Variants in TBXAS1 observed in about 807,000 individuals in gnomAD.
TBXAS1 encodes the protein thromboxane-A synthase.
In TBXAS1, 48 loss-of-function variants were observed where a neutral mutation model predicts 60.7. That is an observed-to-expected ratio of 0.79 (90% CI 0.63 to 1.01). The LOEUF is 1.01. TBXAS1 is among the 50% of genes least tolerant of loss of function. The pLI is 0.00. For missense variants in TBXAS1, 685 were observed against 686.3 expected, an observed-to-expected ratio of 1.00 and a Z score of 0.02; for synonymous variants, 287 against 269.7, an observed-to-expected ratio of 1.06 and a Z score of -0.63.
intron 1 of TBXAS1, among the ~76,000 whole-genome samples, chr7:139,829,769 G>C (rs190516658): frequency 6.6e-4 from 100 of 152,292 alleles, no homozygotes; most frequent in Admixed American, 5.8e-3. Flanking sequence ...CATTAGGTTT[G>C]GGTAGAAGCA....
chr7:139,907,726 C>A (rs1805214130), intron 3 of TBXAS1, among the ~76,000 whole-genome samples: 1 of 151,812 alleles, frequency 6.6e-6, no homozygotes, highest in Admixed American at 6.6e-5. Flanking sequence ...TAAGAGACTC[C>A]AAGGTATCCT....
chr7:139,956,531 G>A (rs1385224990), intron 7 of TBXAS1, among the ~76,000 whole-genome samples: 2 of 152,218 alleles, frequency 1.3e-5, no homozygotes, highest in Admixed American at 6.5e-5. Context: ...TTGACGTGTT[G>A]TTATGCTTGG....
chr7:139,957,846 C>T lies in TBXAS1; in HGVS notation c.819+82C>T, dbSNP rs191592060. On this transcript the variant is annotated intron_variant, in intron 8 of 12. Coordinates refer to ENST00000448866, the MANE Select transcript of TBXAS1 (RefSeq NM_001061.7). Reference sequence around the variant, plus strand: ...ACTGTCTCTGCTCTTTCTCTTCCCTCTCAGCCCCGCACATCACACCGTGCC... The same window carrying T: ...ACTGTCTCTGCTCTTTCTCTTCCCTTTCAGCCCCGCACATCACACCGTGCC... 46 of 1,586,110 alleles carry T rather than the reference C, an allele frequency of 2.9e-5. No homozygotes were observed. In the East Asian group the frequency reaches 1.0e-3, roughly 35 times the overall value.
chr7:139,850,248 C>T (rs564760562), intron 1 of TBXAS1, among the ~76,000 whole-genome samples: 1 of 152,290 alleles, frequency 6.6e-6, no homozygotes, highest in East Asian at 1.9e-4. Context: ...TCTTGCAATC[C>T]AGAATCAGCC....
At chr7:139,939,970 G>A (rs897361101) in intron 5 of TBXAS1, among the ~76,000 whole-genome samples, 1 of 152,232 alleles carries the variant, frequency 6.6e-6, no homozygotes, top group Non-Finnish European at 1.5e-5. Flanking sequence ...TCCATAGATC[G>A]TGTTCCCTGT....
chr7:139,935,605 A>G (rs779946697), intron 4 of TBXAS1, among the ~76,000 whole-genome samples: 33 of 152,188 alleles, frequency 2.2e-4, no homozygotes, highest in Admixed American at 1.3e-3. Context: ...TGACTGAGAA[A>G]AAAATGAATG....
chr7:139,867,749 G>A, intron 1 of TBXAS1, among the ~76,000 whole-genome samples: 1 of 152,070 alleles, frequency 6.6e-6, no homozygotes, highest in Non-Finnish European at 1.5e-5. Context: ...CCCAGGAAGA[G>A]GAGGTTGCAG....
At chr7:139,886,067 T>A (rs992398502) in intron 3 of TBXAS1, among the ~76,000 whole-genome samples, 9 of 152,244 alleles carry the variant, frequency 5.9e-5, no homozygotes, top group Non-Finnish European at 1.5e-5. Flanking sequence ...ATGTGTAACA[T>A]TTCTATAGCT....
intron 1 of TBXAS1, among the ~76,000 whole-genome samples, chr7:139,863,576 C>T (rs1801129704): frequency 6.6e-6 from 1 of 152,158 alleles, no homozygotes; most frequent in South Asian, 2.1e-4. Context: ...TGGAATGCAA[C>T]TATCAGACAA....
chr7:139,983,614 A>C (rs2117526999), intron 9 of TBXAS1, among the ~76,000 whole-genome samples: 1 of 152,282 alleles, frequency 6.6e-6, no homozygotes, highest in Non-Finnish European at 1.5e-5. Context: ...TGTATTTTAT[A>C]TATTTTCTCA....
chr7:139,974,366 T>G (rs1811418909), intron 9 of TBXAS1, among the ~76,000 whole-genome samples: 1 of 152,216 alleles, frequency 6.6e-6, no homozygotes, highest in South Asian at 2.1e-4. Flanking sequence ...GCAAAGAAGC[T>G]TGTGCTGAGG....
chr7:139,995,354 A>T (rs1203655297), intron 9 of TBXAS1, among the ~76,000 whole-genome samples: 1 of 152,144 alleles, frequency 6.6e-6, no homozygotes, highest in Non-Finnish European at 1.5e-5. Flanking sequence ...CAAGATGCAC[A>T]CGAAGATGAG....
Position 139,855,812 on chromosome 7 carries a change from G to T in TBXAS1, c.90-16423G>T, listed in dbSNP as rs532729740. ...CAGATCCTTTTCTGTGAGCTACAAT[G>T]AAGCCAGGCCTCATTCTTCTTGAAC... On this transcript the variant is annotated intron_variant, in intron 1 of 12. Transcript: ENST00000448866. 3.9e-5 allele frequency among the ~76,000 whole-genome samples: 6 copies of T among 152,310 alleles called. No individual in the cohort carries two copies. The South Asian group carries it at 1.2e-3, about 32-fold the overall frequency.
chr7:139,840,999 C>A (rs978210542), intron 1 of TBXAS1, among the ~76,000 whole-genome samples: 1 of 150,386 alleles, frequency 6.6e-6, no homozygotes, highest in Non-Finnish European at 1.5e-5. Context: ...TCAGTCTGTG[C>A]TGCCGCTCAG....
At chr7:139,930,193 T>C (rs1427992580) in intron 4 of TBXAS1, among the ~76,000 whole-genome samples, 1 of 152,176 alleles carries the variant, frequency 6.6e-6, no homozygotes, top group Non-Finnish European at 1.5e-5. Context: ...AGGAGCCCAG[T>C]GCCAACTGAC....
chr7:139,989,780 C>G (rs888680083), intron 9 of TBXAS1, among the ~76,000 whole-genome samples: 3 of 152,246 alleles, frequency 2.0e-5, no homozygotes, highest in Non-Finnish European at 4.4e-5. Flanking sequence ...CCCTGCCTAT[C>G]TGGCTTCTAC....
At chr7:139,823,180 C>T (rs1475420633) in intron 4 of TBXAS1, among the ~76,000 whole-genome samples, 1 of 151,866 alleles carries the variant, frequency 6.6e-6, no homozygotes, top group African/African-American at 2.4e-5. Context: ...TCCTGTCCTC[C>T]TGTTTGTGTC....
intron 4 of TBXAS1, chr7:139,913,118 G>T: frequency 1.4e-6 from 1 of 702,896 alleles, no homozygotes; most frequent in Admixed American, 2.0e-5. Context: ...GAGGGATGTG[G>T]CCTGGAGGGA....
chr7:139,955,728 C>T (rs1809818238), intron 7 of TBXAS1, 121 bp downstream of exon 7: 3 of 1,443,736 alleles, frequency 2.1e-6, no homozygotes, highest in Non-Finnish European at 2.9e-6. Context: ...TCGGGTTGTT[C>T]CCCTGCAGAG....
Sources: allele counts gnomAD v4.1 joint callset (sites outside exome capture counted in the v4.1 genomes callset), GRCh38; gene constraint gnomAD v4.1.1; transcripts MANE v1.5; gene names NCBI Gene and HGNC (gene_info 2026-07-23, HGNC 2026-07-21).